AKAP6: variants seen among roughly 807,000 people sequenced by gnomAD.
AKAP6 encodes the protein A-kinase anchor protein 6.
Under a neutral mutation model 188.5 loss-of-function variants are expected in AKAP6, and 58 were observed. The observed-to-expected ratio is 0.31, with a 90% CI of 0.25 to 0.38. The LOEUF (loss-of-function observed/expected upper bound fraction) is 0.38, where lower values mean the gene tolerates loss of function less well. Ranked by LOEUF, AKAP6 falls within the 10% of genes least tolerant of loss-of-function variation. The pLI is 1.00. For missense variants in AKAP6, 2,710 were observed against 2,740.0 expected (o/e 0.99, Z 0.24); for synonymous variants, 989 against 998.6 (o/e 0.99, Z 0.18).
At chr14:32,612,173 T>G (rs1886374426) in intron 7 of AKAP6, among the ~76,000 whole-genome samples, 1 of 152,174 alleles carries the variant, frequency 6.6e-6, no homozygotes, top group African/African-American at 2.4e-5. Context: ...ATTTGGTGAT[T>G]AATCTCACAC....
At chr14:32,774,830 A>T (rs1191119128) in intron 12 of AKAP6, among the ~76,000 whole-genome samples, 1 of 152,190 alleles carries the variant, frequency 6.6e-6, no homozygotes. Context: ...AACTTTGGAA[A>T]GTTCAGGATC....
chr14:32,353,806 C>T (rs527659423), intron 1 of AKAP6, among the ~76,000 whole-genome samples: 2 of 152,128 alleles, frequency 1.3e-5, no homozygotes, highest in Non-Finnish European at 2.9e-5. Context: ...CATTCTTATA[C>T]GCCAATAACA....
At chr14:32,552,949 A>G (rs1392378827) in intron 4 of AKAP6, among the ~76,000 whole-genome samples, 2 of 152,106 alleles carry the variant, frequency 1.3e-5, no homozygotes, top group Non-Finnish European at 2.9e-5. Flanking sequence ...CCATTAACTC[A>G]TCATGGCAGA....
intron 2 of AKAP6, among the ~76,000 whole-genome samples, chr14:32,480,228 T>A (rs928715314): frequency 6.6e-6 from 1 of 152,160 alleles, no homozygotes; most frequent in Non-Finnish European, 1.5e-5. Context: ...GAAGAAGCAG[T>A]TGAACAGTTC....
At chr14:32,655,970 A>G (rs1159893387) in intron 7 of AKAP6, among the ~76,000 whole-genome samples, 3 of 152,096 alleles carry the variant, frequency 2.0e-5, no homozygotes, top group East Asian at 1.9e-4. Flanking sequence ...AGATAAATCT[A>G]TCTGTTTTTC....
chr14:32,616,492 TAACACAGG>T (rs1342798628), intron 7 of AKAP6, among the ~76,000 whole-genome samples: 1 of 152,124 alleles, frequency 6.6e-6, no homozygotes, highest in East Asian at 1.9e-4. Context: ...CTTAGCAAAC[TAACACAGG>T]AACAGAAAAC....
At position 32,773,775 on chromosome 14, in the gene AKAP6, A is replaced by G. The variant is rs759109127; in HGVS notation, c.3470A>G (p.Asn1157Ser). 4 of 1,614,158 alleles carry G rather than the reference A, an allele frequency of 2.5e-6. No homozygotes were observed. The highest frequency in any genetic ancestry group is 3.4e-6 in the Non-Finnish European group (4 of 1,179,992). ...GATGACCGGGAGACTTGCAATCTGA[A>G]TGCAGACCACCAGCCCATGCAGCTG... ...LLDDRETCNL[N>S]ADHQPMQLII... is the part of the protein sequence containing the mutation. Residue 1157 changes from asparagine to serine, a missense_variant, in exon 12 of 14, where the codon AAT becomes AGT. Around this residue, in one of 2 missense-constraint regions of AKAP6, gnomAD observed 2,473 missense variants for 2,426.1 expected, o/e 1.02. Transcript: ENST00000280979.
At chr14:32,666,888 T>C (rs1888964872) in intron 7 of AKAP6, among the ~76,000 whole-genome samples, 2 of 152,242 alleles carry the variant, frequency 1.3e-5, no homozygotes, top group African/African-American at 4.8e-5. Context: ...GCTCCTCTAC[T>C]CATGTAACTA....
chr14:32,820,457 A>G (rs2034491372), intron 12 of AKAP6, among the ~76,000 whole-genome samples: 1 of 152,054 alleles, frequency 6.6e-6, no homozygotes, highest in South Asian at 2.1e-4. Context: ...GGAAACATCA[A>G]GGGTCCCAAG....
At chr14:32,623,664 C>G (rs1040604109) in intron 7 of AKAP6, among the ~76,000 whole-genome samples, 2 of 152,094 alleles carry the variant, frequency 1.3e-5, no homozygotes, top group African/African-American at 4.8e-5. Flanking sequence ...AGACAGAGAA[C>G]CGTGGCATAA....
chr14:32,574,534 C>G (rs544554614), intron 4 of AKAP6, among the ~76,000 whole-genome samples: 1 of 152,276 alleles, frequency 6.6e-6, no homozygotes, highest in Non-Finnish European at 1.5e-5. Context: ...CTGACATACA[C>G]ACACAGGTTA....
At chr14:32,420,937 T>TGTGTG (rs1594596736) in intron 1 of AKAP6, among the ~76,000 whole-genome samples, 2 of 57,062 alleles carry the variant, frequency 3.5e-5, no homozygotes, top group South Asian at 6.7e-4. Context: ...GTGTGTGTGT[T>TGTGTG]TGTGTGTCTG....
Position 32,717,633 on chromosome 14 carries a change from C to T in AKAP6, c.3001-14821C>T, listed in dbSNP as rs184038010. Among the ~76,000 whole-genome samples the T allele has an allele frequency of 5.4e-3, 823 of 151,854 alleles. 3 individuals are homozygous for T. The highest frequency in any genetic ancestry group is 0.014 in the Middle Eastern group (4 of 292). ...TCACACACACACACACACACACACACACATTCTGTTTCTCTTCGATGTAAG... is the reference window on the plus strand; with the variant it reads ...TCACACACACACACACACACACACATACATTCTGTTTCTCTTCGATGTAAG... On this transcript the variant is annotated intron_variant, in intron 9 of 13. Transcript: ENST00000280979.
At chr14:32,438,749 T>C (rs1890471500) in intron 2 of AKAP6, 1 of 152,254 alleles carries the variant, frequency 6.6e-6, no homozygotes, top group Non-Finnish European at 1.5e-5. Context: ...TTCTTTGGAT[T>C]CAGAAGCTGT....
intron 1 of AKAP6, among the ~76,000 whole-genome samples, chr14:32,418,582 A>G (rs1889736685): frequency 6.6e-6 from 1 of 152,154 alleles, no homozygotes; most frequent in South Asian, 2.1e-4. Flanking sequence ...TTAGAGACAC[A>G]CCTAAATTTT....
intron 11 of AKAP6, among the ~76,000 whole-genome samples, chr14:32,746,355 A>G (rs951857649): frequency 2.0e-5 from 3 of 152,132 alleles, no homozygotes; most frequent in South Asian, 2.1e-4. Flanking sequence ...CTGGTTTTTC[A>G]GGGTTCAAAG....
At chr14:32,817,724 C>T (rs2034423081) in intron 12 of AKAP6, among the ~76,000 whole-genome samples, 1 of 152,118 alleles carries the variant, frequency 6.6e-6, no homozygotes, top group Non-Finnish European at 1.5e-5. Flanking sequence ...AGATTTATCA[C>T]TATATCAAAG....
chr14:32,762,383 G>A (rs905502061), intron 11 of AKAP6, among the ~76,000 whole-genome samples: 1 of 151,966 alleles, frequency 6.6e-6, no homozygotes, highest in Non-Finnish European at 1.5e-5. Context: ...GAAAAGGAAC[G>A]ATATAACATA....
chr14:32,615,167 C>CAAAAAAAAAAAA (rs71115086), intron 7 of AKAP6, among the ~76,000 whole-genome samples: 1,135 of 53,252 alleles, frequency 0.021, 205 homozygotes, highest in African/African-American at 0.068. Context: ...GACTCTGTCT[C>CAAAAAAAAAAAA]AAAAAAAAAA....
Sources: gnomAD v4.1 joint callset for allele counts (sites outside exome capture counted in the v4.1 genomes callset) on GRCh38, gnomAD v4.1.1 for gene constraint, gnomAD v4.1.1 regional missense constraint, MANE v1.5 for transcripts, NCBI Gene and HGNC (gene_info 2026-07-23, HGNC 2026-07-21) for gene names.